CNTN2: variants seen among roughly 807,000 people sequenced by gnomAD.
CNTN2 encodes the protein contactin 2, also known as contactin-2.
CNTN2 carries 53 observed loss-of-function variants against 117.5 expected under a neutral mutation model. That is an observed-to-expected ratio of 0.45 (90% CI 0.36 to 0.57). The LOEUF is 0.57. CNTN2 is among the 20% of genes least tolerant of loss of function. CNTN2 has a pLI of 0.00. For missense variants in CNTN2, 1,106 were observed against 1,404.3 expected, an observed-to-expected ratio of 0.79 and a Z score of 3.39; for synonymous variants, 530 against 561.7, an observed-to-expected ratio of 0.94 and a Z score of 0.80.
In CNTN2 at chr1:205,071,938, C is replaced by T. The variant is rs766586200; in HGVS notation, c.2545-9C>T. 1.3e-5 allele frequency: 21 copies of T among 1,606,518 alleles called. No individual in the cohort carries two copies. The highest frequency in any genetic ancestry group is 1.5e-5 in the Non-Finnish European group (18 of 1,176,804). On this transcript the variant is annotated splice_polypyrimidine_tract_variant and intron_variant, in intron 19 of 22. Coordinates refer to ENST00000331830, the MANE Select transcript of CNTN2 (RefSeq NM_005076.5). ...ACTACTACCCCTTGGGTACCCCCGC[C>T]TCCTTCAGATCCGCTACTGGAAAGC...
chr1:205,067,405 G>T, intron 16 of CNTN2, 155 bp downstream of exon 16: 1 of 860,562 alleles, frequency 1.2e-6, no homozygotes. Flanking sequence ...ACACCAAGTT[G>T]GGACCAGGGC....
At position 205,061,025 on chromosome 1, in the gene CNTN2, G is replaced by A; in HGVS notation, c.798-220G>A. On this transcript the variant is annotated intron_variant, in intron 7 of 22. Coordinates refer to ENST00000331830, the MANE Select transcript of CNTN2 (RefSeq NM_005076.5). The surrounding 1 kb of genome is among the most constrained non-coding windows in gnomAD (Gnocchi z 4.8). ...CTGGCTCCAGGGTTGTTGCAGGGGGGATGGGTAGAGCAGCCCTGCCTCTTG... is the reference window on the plus strand; with the variant it reads ...CTGGCTCCAGGGTTGTTGCAGGGGGAATGGGTAGAGCAGCCCTGCCTCTTG... 1 of 527,212 alleles carries A rather than the reference G, an allele frequency of 1.9e-6. No individual in the cohort carries two copies. Among genetic ancestry groups the A allele is most frequent in the Non-Finnish European group, 3.3e-6 (1 of 299,078 alleles). 32.7% of individuals were successfully genotyped at this position (527,212 alleles called of 1,614,324 possible). A position where few individuals can be genotyped will look rare whatever the true frequency, so the allele number is the denominator to read the frequency against.
In CNTN2 at chr1:205,061,807, TA is replaced by T; in HGVS notation, c.974-56del. 6.7e-7 allele frequency: 1 copy of T among 1,485,690 alleles called. No homozygotes were observed. The highest frequency in any genetic ancestry group is 9.0e-7 in the Non-Finnish European group (1 of 1,116,868). The allele number at this position is 1,485,690 out of a possible 1,614,324, so 92.0% of individuals were successfully genotyped here. On this transcript the variant is annotated intron_variant, in intron 8 of 22. Transcript: ENST00000331830. This position sits in a 1 kb window ranked among gnomAD's most constrained non-coding sequence, Gnocchi z 4.8. ...TGCTGCCCTGATTTTCTGTTCCTTT[TA>T]ATGAGCTGGAAGCTCCTCCTAGCTC...
chr1:205,062,630 T>A, intron 10 of CNTN2, 61 bp downstream of exon 10: 1 of 1,559,098 alleles, frequency 6.4e-7, no homozygotes. Flanking sequence ...CTTTCAGAGC[T>A]CTGAGTTTAG....
intron 17 of CNTN2, 123 bp downstream of exon 17, chr1:205,069,684 C>A: frequency 7.2e-7 from 1 of 1,389,812 alleles, no homozygotes; most frequent in Non-Finnish European, 1.0e-6. Flanking sequence ...CCCCCTTCCA[C>A]GCACCCGCTG....
intron 1 of CNTN2, among the ~76,000 whole-genome samples, chr1:205,046,950 C>T (rs951287207): frequency 3.3e-5 from 5 of 152,156 alleles, no homozygotes; most frequent in African/African-American, 4.8e-5. Context: ...GAGTAGGTCT[C>T]TCTTGCAGGG....
Position 205,073,350 on chromosome 1 carries a change from A to C in CNTN2, c.3013+114A>C. ...AATCTCTACCCGCAAAGGAAAGTGG[A>C]AGGCAGGCAGGAACCAAGTGCAAAG... On this transcript the variant is annotated intron_variant, in intron 22 of 22. Transcript: ENST00000331830. This position sits in a 1 kb window ranked among gnomAD's most constrained non-coding sequence, Gnocchi z 6.3. 1 of 1,331,536 alleles carries C rather than the reference A, an allele frequency of 7.5e-7. No individual in the cohort carries two copies. Among genetic ancestry groups the C allele is most frequent in the Non-Finnish European group, 1.0e-6 (1 of 966,848 alleles). 82.5% of individuals were successfully genotyped at this position (1,331,536 alleles called of 1,614,324 possible).
chr1:205,065,165 C>T lies in CNTN2; in HGVS notation c.1598C>T (p.Ser533Phe), dbSNP rs1654211011. ...GDNLTLQCHA[S>F]HDPTMDLTFT... ...AACCTGACCCTACAGTGCCATGCCT[C>T]CCACGACCCCACCATGGACCTCACC... is the stretch of plus-strand genomic sequence containing the variant. The change falls in exon 13 of 23, where the codon TCC becomes TTC. Residue 533 changes from serine to phenylalanine, a missense_variant. Coordinates refer to ENST00000331830, the MANE Select transcript of CNTN2 (RefSeq NM_005076.5). The surrounding 1 kb of genome is among the most constrained non-coding windows in gnomAD (Gnocchi z 4.1). 1 of 1,614,036 alleles carries T rather than the reference C, an allele frequency of 6.2e-7. No individual in the cohort carries two copies. The highest frequency in any genetic ancestry group is 1.1e-5 in the South Asian group (1 of 91,086).
chr1:205,073,621 C>T lies in CNTN2; in HGVS notation c.3014-35C>T. 6.3e-7 allele frequency: 1 copy of T among 1,595,384 alleles called. No homozygotes were observed. On this transcript the variant is annotated intron_variant, in intron 22 of 22. Coordinates refer to ENST00000331830, the MANE Select transcript of CNTN2 (RefSeq NM_005076.5). This position sits in a 1 kb window ranked among gnomAD's most constrained non-coding sequence, Gnocchi z 6.3. Reference sequence around the variant, plus strand: ...CCACAAGGGTGGGGCTAGGGTAGTCCCAGGCCCAGCTGACTCAGCTTGTGC... The same window carrying T: ...CCACAAGGGTGGGGCTAGGGTAGTCTCAGGCCCAGCTGACTCAGCTTGTGC...
rs1434989351 is a variant in CNTN2 at position 205,059,580 on chromosome 1, C to T, written c.698-3C>T. 6.8e-6 allele frequency: 11 copies of T among 1,613,958 alleles called. No homozygotes were observed. Among genetic ancestry groups the T allele is most frequent in the Non-Finnish European group, 8.5e-6 (10 of 1,179,954 alleles). ...TCTGATTTGTAAAACCCTCTCTCCC[C>T]AGATACCCGGCTCTTTGCACCCAGC... On this transcript the variant is annotated splice_region_variant and splice_polypyrimidine_tract_variant and intron_variant, in intron 6 of 22. Transcript: ENST00000331830. The surrounding 1 kb of genome is among the most constrained non-coding windows in gnomAD (Gnocchi z 5.6).
intron 1 of CNTN2, among the ~76,000 whole-genome samples, chr1:205,046,089 C>G (rs1326501826): frequency 6.6e-6 from 1 of 152,182 alleles, no homozygotes; most frequent in Non-Finnish European, 1.5e-5. Flanking sequence ...CTGTTGCTAA[C>G]CTGGAACATT....
At position 205,065,267 on chromosome 1, in the gene CNTN2, G is replaced by C. The variant is rs1374984392; in HGVS notation, c.1695+5G>C. The C allele has an allele frequency of 6.8e-6, 11 of 1,613,918 alleles. No individual in the cohort carries two copies. The highest frequency in any genetic ancestry group is 9.3e-6 in the Non-Finnish European group (11 of 1,179,976). On this transcript the variant is annotated splice_donor_5th_base_variant and intron_variant, in intron 13 of 22. Transcript: ENST00000331830. This position sits in a 1 kb window ranked among gnomAD's most constrained non-coding sequence, Gnocchi z 4.1. ...CACTACCGGAGAACTAATGTGGTGA[G>C]ACCTAGGGCCAGAGCCCCATGGCTT...
At chr1:205,051,287 G>A (rs1346354799) in intron 1 of CNTN2, among the ~76,000 whole-genome samples, 2 of 152,236 alleles carry the variant, frequency 1.3e-5, no homozygotes, top group Non-Finnish European at 2.9e-5. Context: ...GGGTACCAAA[G>A]CTGTAGTCAA....
chr1:205,051,765 G>C (rs1287683661), intron 1 of CNTN2, among the ~76,000 whole-genome samples: 2 of 152,156 alleles, frequency 1.3e-5, no homozygotes, highest in African/African-American at 4.8e-5. Context: ...AGGTTGTGGA[G>C]TGGTCAAATG....
Position 205,061,145 on chromosome 1 carries a change from C to A in CNTN2, c.798-100C>A, listed in dbSNP as rs1433138241. The A allele has an allele frequency of 1.5e-6, 2 of 1,294,710 alleles. No homozygotes were observed. The highest frequency in any genetic ancestry group is 1.5e-5 in the African/African-American group (1 of 66,792). 80.2% of individuals were successfully genotyped at this position (1,294,710 alleles called of 1,614,324 possible). ...CTCCCTCTGTTCCTCCCAGGCCCAGCATCTCAGGAGGGCCTGAGAGTCTGG... is the reference window on the plus strand; with the variant it reads ...CTCCCTCTGTTCCTCCCAGGCCCAGAATCTCAGGAGGGCCTGAGAGTCTGG... On this transcript the variant is annotated intron_variant, in intron 7 of 22. Coordinates refer to ENST00000331830, the MANE Select transcript of CNTN2 (RefSeq NM_005076.5). The surrounding 1 kb of genome is among the most constrained non-coding windows in gnomAD (Gnocchi z 4.8).
At chr1:205,045,639 G>A (rs927169794) in intron 1 of CNTN2, among the ~76,000 whole-genome samples, 91 of 152,146 alleles carry the variant, frequency 6.0e-4, no homozygotes, top group African/African-American at 2.1e-3. Context: ...GAGTGTGGGT[G>A]GTATTTGTAT....
Position 205,065,722 on chromosome 1 carries a change from T to TTATGGCCTGCTG in CNTN2, c.1696-67_1696-66insTATGGCCTGCTG. On this transcript the variant is annotated intron_variant, in intron 13 of 22. Transcript: ENST00000331830. This position sits in a 1 kb window ranked among gnomAD's most constrained non-coding sequence, Gnocchi z 4.1. ...GGACTCCCAAGCGCTGCCTCATGTC[T>TTATGGCCTGCTG]CATGGCCTGCTGCACTGGTCAGGGC... The TTATGGCCTGCTG allele has an allele frequency of 3.0e-5, 17 of 564,974 alleles. No individual in the cohort carries two copies. Among genetic ancestry groups the TTATGGCCTGCTG allele is most frequent in the Non-Finnish European group, 5.4e-5 (17 of 312,928 alleles). The allele number at this position is 564,974 out of a possible 1,614,324, so 35.0% of individuals were successfully genotyped here.
chr1:205,072,143 T>C lies in CNTN2; in HGVS notation c.2731+10T>C, dbSNP rs1186324718. On this transcript the variant is annotated intron_variant, in intron 20 of 22. Coordinates refer to ENST00000331830, the MANE Select transcript of CNTN2 (RefSeq NM_005076.5). The stretch of plus-strand genomic sequence containing the variant: ...ACGACCATGAAGCCCCGTGAGTCTG[T>C]CTGCCTGGGGTGGGGGTAGGGCAAT... 8 of 1,601,796 alleles carry C rather than the reference T, an allele frequency of 5.0e-6. No homozygotes were observed. The highest frequency in any genetic ancestry group is 6.8e-6 in the Non-Finnish European group (8 of 1,175,720).
At position 205,064,745 on chromosome 1, in the gene CNTN2, T is replaced by G. The variant is rs900407300; in HGVS notation, c.1514T>G (p.Val505Gly). 1 of 1,613,962 alleles carries G rather than the reference T, an allele frequency of 6.2e-7. No homozygotes were observed. The highest frequency in any genetic ancestry group is 8.5e-7 in the Non-Finnish European group (1 of 1,179,974). Residue 505 changes from valine (V) to glycine (G), a missense_variant, in exon 12 of 23, where the codon GTG (valine) becomes GGG (glycine). Coordinates refer to ENST00000331830, the MANE Select transcript of CNTN2 (RefSeq NM_005076.5). The part of the protein sequence containing the change: ...GKANSTGILS[V>G]RDATKITLAP... The stretch of plus-strand genomic sequence containing the variant: ...GCCAACAGCACTGGAATCCTATCTG[T>G]GCGAGGTGAGGGCTGCCATGTGGGT...
Sources: allele counts gnomAD v4.1 joint callset (sites outside exome capture counted in the v4.1 genomes callset), GRCh38; gene constraint gnomAD v4.1.1; non-coding constraint Gnocchi (gnomAD v3.1); transcripts MANE v1.5; gene names NCBI Gene and HGNC (gene_info 2026-07-23, HGNC 2026-07-21).